The following MYO5B variants were observed in gnomAD, a reference collection of about 807,000 sequenced individuals.
MYO5B encodes myosin VB.
In MYO5B, 143 loss-of-function variants were observed where a neutral mutation model predicts 229.3. The ratio of observed to expected loss-of-function variants is 0.62; its 90% CI spans 0.54 to 0.72. MYO5B has a LOEUF of 0.72. Among genes scored for constraint, MYO5B ranks in the 30% least tolerant of loss-of-function variants. The pLI, the probability that MYO5B is intolerant of heterozygous loss-of-function variation, is 0.00. For synonymous variants in MYO5B, 918 were observed against 885.2 expected (o/e 1.04, Z -0.66); for missense variants, 2,321 against 2,331.0 (o/e 1.00, Z 0.09).
chr18:50,073,556 A>T (rs976941362), intron 1 of MYO5B, among the ~76,000 whole-genome samples: 1 of 152,122 alleles, frequency 6.6e-6, no homozygotes, highest in Non-Finnish European at 1.5e-5. Context: ...TCTTCTGTGC[A>T]TGTAACATAA....
intron 38 of MYO5B, 34 bp from the exon 39 acceptor site, chr18:49,835,458 C>A (rs372889233): frequency 1.2e-5 from 17 of 1,372,892 alleles, no homozygotes; most frequent in Non-Finnish European, 1.8e-5. Flanking sequence ...TAGCACAGAG[C>A]TAAATGAACA....
At chr18:50,127,646 A>G (rs1412935590) in intron 1 of MYO5B, among the ~76,000 whole-genome samples, 1 of 152,190 alleles carries the variant, frequency 6.6e-6, no homozygotes, top group Admixed American at 6.5e-5. Context: ...CTCACGGAAG[A>G]GGTGGGATTT....
At chr18:49,867,459 T>G (rs1598844025) in intron 27 of MYO5B, among the ~76,000 whole-genome samples, 1 of 151,884 alleles carries the variant, frequency 6.6e-6, no homozygotes, top group Non-Finnish European at 1.5e-5. Context: ...TGTGGGTGGG[T>G]GGGGGTGAAA....
chr18:49,889,788 C>G (rs980038395), intron 22 of MYO5B, among the ~76,000 whole-genome samples: 1 of 152,196 alleles, frequency 6.6e-6, no homozygotes, highest in African/African-American at 2.4e-5. Context: ...ATGAATGCCA[C>G]CTAAGAACAT....
chr18:50,036,485 G>T (rs1000314639), intron 4 of MYO5B, among the ~76,000 whole-genome samples: 2 of 152,198 alleles, frequency 1.3e-5, no homozygotes, highest in Non-Finnish European at 2.9e-5. Context: ...ACTATCTGTA[G>T]ATCAGGCTGG....
At chr18:49,977,711 T>G (rs1271219036) in intron 9 of MYO5B, among the ~76,000 whole-genome samples, 3 of 152,140 alleles carry the variant, frequency 2.0e-5, no homozygotes, top group African/African-American at 7.2e-5. Context: ...GAGAAAGAGG[T>G]TCCCCTCTCT....
chr18:49,831,890 T>C (rs2023927386), intron 39 of MYO5B, among the ~76,000 whole-genome samples: 1 of 152,182 alleles, frequency 6.6e-6, no homozygotes, highest in Admixed American at 6.5e-5. Context: ...ATGGGATATA[T>C]AAAGGGAATA....
chr18:50,149,772 C>T (rs144379748), intron 1 of MYO5B, among the ~76,000 whole-genome samples: 2,553 of 150,568 alleles, frequency 0.017, 71 homozygotes, highest in African/African-American at 0.059. Flanking sequence ...GACACAGGCA[C>T]GGGCAAGGAC....
intron 1 of MYO5B, among the ~76,000 whole-genome samples, chr18:50,187,493 A>T (rs765839578): frequency 3.9e-4 from 60 of 152,096 alleles, no homozygotes; most frequent in Non-Finnish European, 6.8e-4. Flanking sequence ...TCATTCTACA[A>T]AATTATTGAG....
chr18:49,931,940 C>T (rs2025197703), intron 16 of MYO5B, among the ~76,000 whole-genome samples: 1 of 152,212 alleles, frequency 6.6e-6, no homozygotes, highest in Admixed American at 6.5e-5. Flanking sequence ...CTTTCCTCTG[C>T]TCAGCATGAC....
chr18:49,904,677 G>A lies in MYO5B; in HGVS notation c.2566C>T (p.Arg856Cys), dbSNP rs770761011. 3.1e-6 allele frequency: 5 copies of A among 1,613,614 alleles called. No individual in the cohort carries two copies. The highest frequency in any genetic ancestry group is 1.3e-5 in the African/African-American group (1 of 74,932). Residue 856 changes from arginine to cysteine, a missense_variant, in exon 20 of 40, where the codon CGC becomes TGC. By Grantham distance (180) the Arg-to-Cys change is radical. This residue lies in a region of MYO5B where 2,113 missense variants were observed against 2,044.7 expected (regional missense o/e 1.03). Transcript: ENST00000285039. The part of the protein sequence containing the change: ...TRAMFVRRTY[R>C]QVLMEHKATT... ...CCCTCAGAGTGGCTACTCACCTGGC[G>A]GTAGGTTCTCCGCACAAACATGGCC...
intron 17 of MYO5B, among the ~76,000 whole-genome samples, chr18:49,923,019 C>T (rs1242100214): frequency 6.6e-6 from 1 of 152,162 alleles, no homozygotes; most frequent in Non-Finnish European, 1.5e-5. Flanking sequence ...AATGAGGTTG[C>T]CTGGATGAGG....
intron 2 of MYO5B, among the ~76,000 whole-genome samples, chr18:50,048,977 G>T (rs2030316980): frequency 6.7e-6 from 1 of 149,038 alleles, no homozygotes; most frequent in Non-Finnish European, 1.5e-5. Context: ...TGCCGAGATT[G>T]CACCACTGCA....
chr18:50,177,969 C>T (rs2033020511), intron 1 of MYO5B, among the ~76,000 whole-genome samples: 1 of 152,194 alleles, frequency 6.6e-6, no homozygotes, highest in African/African-American at 2.4e-5. Context: ...TGTTAAATAC[C>T]TCCTTGATAC....
At chr18:50,048,235 C>T (rs1045789087) in intron 2 of MYO5B, among the ~76,000 whole-genome samples, 1 of 152,060 alleles carries the variant, frequency 6.6e-6, no homozygotes, top group Admixed American at 6.6e-5. Context: ...TAAAGAGAAC[C>T]TTCTTATTCT....
chr18:49,858,235 A>C (rs1017091979), intron 29 of MYO5B, among the ~76,000 whole-genome samples: 3 of 152,212 alleles, frequency 2.0e-5, no homozygotes, highest in Non-Finnish European at 4.4e-5. Context: ...TCCCAAACTC[A>C]TAACTCAGCA....
chr18:49,847,620 C>T (rs1420355838), intron 32 of MYO5B, among the ~76,000 whole-genome samples: 1 of 152,190 alleles, frequency 6.6e-6, no homozygotes, highest in Non-Finnish European at 1.5e-5. Flanking sequence ...GGATGACAGC[C>T]AGCATGGTCT....
intron 33 of MYO5B, among the ~76,000 whole-genome samples, chr18:49,845,269 C>A (rs149501284): frequency 6.6e-6 from 1 of 152,146 alleles, no homozygotes; most frequent in Non-Finnish European, 1.5e-5. Flanking sequence ...AATTGCTGGA[C>A]AACTGTAGGG....
At chr18:49,903,423 A>T (rs541589249) in intron 20 of MYO5B, among the ~76,000 whole-genome samples, 1 of 152,234 alleles carries the variant, frequency 6.6e-6, no homozygotes, top group South Asian at 2.1e-4. Flanking sequence ...GCCATGAGTG[A>T]CAGAGCTGGG....
Sources: gnomAD v4.1 joint callset for allele counts (sites outside exome capture counted in the v4.1 genomes callset) on GRCh38, gnomAD v4.1.1 for gene constraint, gnomAD v4.1.1 regional missense constraint, MANE v1.5 for transcripts, NCBI Gene and HGNC (gene_info 2026-07-23, HGNC 2026-07-21) for gene names.